The following KALRN variants were observed in gnomAD, a reference collection of about 807,000 sequenced individuals.
KALRN encodes the protein kalirin.
Under a neutral mutation model 353.7 loss-of-function variants are expected in KALRN, and 70 were observed. The ratio of observed to expected loss-of-function variants is 0.20; its 90% CI spans 0.16 to 0.24. KALRN has a LOEUF of 0.24. Ranked by LOEUF, KALRN falls within the 10% of genes least tolerant of loss-of-function variation. The pLI, the probability that KALRN is intolerant of heterozygous loss-of-function variation, is 1.00. For missense variants in KALRN, 2,791 were observed against 3,756.7 expected (o/e 0.74, Z 6.72); for synonymous variants, 1,391 against 1,434.8 (o/e 0.97, Z 0.69).
chr3:124,122,434 C>A (rs1235712367), intron 1 of KALRN, among the ~76,000 whole-genome samples: 2 of 152,190 alleles, frequency 1.3e-5, no homozygotes, highest in Admixed American at 6.5e-5. Context: ...TACTTTATTG[C>A]ACTTCACAGA....
intron 8 of KALRN, among the ~76,000 whole-genome samples, chr3:124,330,244 T>TCACACA (rs1278125602): frequency 5.1e-4 from 49 of 96,246 alleles, no homozygotes; most frequent in Admixed American, 2.1e-3. Flanking sequence ...TCTCTCTCTC[T>TCACACA]CTCACACACA....
chr3:124,379,651 T>A (rs886329124), intron 10 of KALRN, among the ~76,000 whole-genome samples: 1 of 152,162 alleles, frequency 6.6e-6, no homozygotes, highest in African/African-American at 2.4e-5. Flanking sequence ...ACCATGAGGT[T>A]TTCCAGGCTG....
At chr3:124,328,475 T>TC in intron 7 of KALRN, among the ~76,000 whole-genome samples, 1 of 152,254 alleles carries the variant, frequency 6.6e-6, no homozygotes, top group East Asian at 1.9e-4. Flanking sequence ...GAAGGAGTGT[T>TC]CCCCCCATGA....
chr3:124,493,856 C>T (rs1276380705), intron 32 of KALRN, among the ~76,000 whole-genome samples: 1 of 152,250 alleles, frequency 6.6e-6, no homozygotes, highest in African/African-American at 2.4e-5. Flanking sequence ...CTCCTCAGTG[C>T]TGCATGGACA....
intron 15 of KALRN, among the ~76,000 whole-genome samples, chr3:124,424,795 T>C (rs1274004876): frequency 1.3e-5 from 2 of 152,208 alleles, no homozygotes; most frequent in Non-Finnish European, 2.9e-5. Context: ...TTCTCATTTA[T>C]AATCTCATTT....
rs111730340 is a variant in KALRN at position 124,212,148 on chromosome 3, A to G, written c.74-15842A>G. On this transcript the variant is annotated intron_variant, in intron 1 of 59. Transcript: ENST00000682506. ...TTTAAGTTTGGGATATTTTTTTCAC[A>G]TGGTCTTTATATACTTTTACAACAT... Among the ~76,000 whole-genome samples the G allele has an allele frequency of 2.2e-3, 337 of 152,284 alleles. 2 individuals are homozygous for G. The highest frequency in any genetic ancestry group is 7.8e-3 in the African/African-American group (325 of 41,556).
intron 47 of KALRN, among the ~76,000 whole-genome samples, chr3:124,669,955 T>C (rs1341727951): frequency 2.7e-5 from 4 of 149,282 alleles, no homozygotes; most frequent in African/African-American, 7.5e-5. Context: ...TTTTCCCCCA[T>C]ATATTTTCTT....
intron 1 of KALRN, among the ~76,000 whole-genome samples, chr3:124,216,980 A>G (rs1392929935): frequency 1.3e-5 from 2 of 152,224 alleles, no homozygotes; most frequent in African/African-American, 4.8e-5. Context: ...TCTAGGACCT[A>G]GATAATGATC....
At chr3:124,463,398 T>C (rs1290752238) in intron 25 of KALRN, among the ~76,000 whole-genome samples, 2 of 152,174 alleles carry the variant, frequency 1.3e-5, no homozygotes, top group Non-Finnish European at 2.9e-5. Context: ...TACTGAGTTG[T>C]GTAGGTTTGC....
intron 1 of KALRN, among the ~76,000 whole-genome samples, chr3:124,201,053 C>A (rs1205506534): frequency 6.6e-6 from 1 of 152,156 alleles, no homozygotes; most frequent in Admixed American, 6.5e-5. Context: ...AAGGTAAAGC[C>A]ATCCAAAGAA....
At chr3:124,367,391 G>T in intron 10 of KALRN, among the ~76,000 whole-genome samples, 1 of 46,656 alleles carries the variant, frequency 2.1e-5, no homozygotes. Flanking sequence ...CTCCCGGACG[G>T]GGCGGCTGGC....
chr3:124,489,200 G>A (rs1037665852), intron 29 of KALRN, among the ~76,000 whole-genome samples: 33 of 152,176 alleles, frequency 2.2e-4, no homozygotes, highest in East Asian at 1.2e-3. Flanking sequence ...CCAGCTACTC[G>A]GGAGGCTGAG....
rs369953393 is a variant in KALRN, at chr3:124,502,662, G to T, written c.4935+6249G>T. On this transcript the variant is annotated intron_variant, in intron 33 of 59. Transcript: ENST00000682506. ...TACTTCCTGGGATTTTGAAGGACTA[G>T]CTGAGATTCTATATGAAAGAGCACA... Among the ~76,000 whole-genome samples, 7 of 152,168 alleles carry T rather than the reference G, an allele frequency of 4.6e-5. No individual in the cohort carries two copies. In the East Asian group the frequency reaches 1.3e-3, roughly 29 times the overall value.
At chr3:124,634,093 C>T in intron 36 of KALRN, 140 bp downstream of exon 36, 1 of 666,218 alleles carries the variant, frequency 1.5e-6, no homozygotes, top group Non-Finnish European at 2.6e-6. Flanking sequence ...CCAATTGTGT[C>T]TCTATTTGGT....
chr3:124,421,736 C>T (rs569810373), intron 14 of KALRN, among the ~76,000 whole-genome samples: 4 of 152,138 alleles, frequency 2.6e-5, no homozygotes, highest in East Asian at 1.9e-4. Context: ...TCTCCGAGTT[C>T]GTTCATTTCT....
chr3:124,189,227 A>C (rs528946898), intron 1 of KALRN, among the ~76,000 whole-genome samples: 84 of 152,320 alleles, frequency 5.5e-4, no homozygotes, highest in African/African-American at 1.9e-3. Context: ...AGTGGAAGCT[A>C]TCCACCTCTT....
At chr3:124,577,492 C>T (rs568025674) in intron 34 of KALRN, among the ~76,000 whole-genome samples, 2 of 152,210 alleles carry the variant, frequency 1.3e-5, no homozygotes, top group East Asian at 1.9e-4. Flanking sequence ...GATTACTATG[C>T]GTGATTCTGG....
chr3:124,070,527 G>T (rs1053473315), intron 1 of KALRN, among the ~76,000 whole-genome samples: 2 of 152,176 alleles, frequency 1.3e-5, no homozygotes, highest in African/African-American at 4.8e-5. Context: ...ACATCACCCT[G>T]TTTCCATCTC....
chr3:124,238,844 C>T (rs142638985), intron 3 of KALRN, among the ~76,000 whole-genome samples: 1 of 152,320 alleles, frequency 6.6e-6, no homozygotes, highest in African/African-American at 2.4e-5. Flanking sequence ...TTTAACTTCT[C>T]TGTCTTGCTC....
Sources: gnomAD v4.1 joint callset for allele counts (sites outside exome capture counted in the v4.1 genomes callset) on GRCh38, gnomAD v4.1.1 for gene constraint, MANE v1.5 for transcripts, NCBI Gene and HGNC (gene_info 2026-07-23, HGNC 2026-07-21) for gene names.